The following DCP1B variants were observed in gnomAD, a reference collection of about 807,000 sequenced individuals.
DCP1B encodes the protein decapping mRNA 1B.
Under a neutral mutation model 60.5 loss-of-function variants are expected in DCP1B, and 47 were observed. That is an observed-to-expected ratio of 0.78 (90% CI 0.61 to 0.99). The LOEUF is 0.99. Ranked by LOEUF, DCP1B falls within the 50% of genes least tolerant of loss-of-function variation. DCP1B has a pLI of 0.00. For missense variants in DCP1B, 725 were observed against 756.8 expected, an observed-to-expected ratio of 0.96 and a Z score of 0.49; for synonymous variants, 267 against 280.3, an observed-to-expected ratio of 0.95 and a Z score of 0.47.
At chr12:1,978,026 G>T (rs192384618) in intron 3 of DCP1B, among the ~76,000 whole-genome samples, 4 of 152,250 alleles carry the variant, frequency 2.6e-5, no homozygotes, top group East Asian at 3.9e-4. Flanking sequence ...CTAGGAAATT[G>T]ACATTTAAAA....
At chr12:1,946,878 T>TCC (rs2030447083) in intron 8 of DCP1B, among the ~76,000 whole-genome samples, 1 of 152,112 alleles carries the variant, frequency 6.6e-6, no homozygotes, top group South Asian at 2.1e-4. Flanking sequence ...AAGTTTTTTG[T>TCC]TAAGACAGGG....
intron 3 of DCP1B, among the ~76,000 whole-genome samples, chr12:1,980,795 C>T (rs1003999619): frequency 2.0e-5 from 3 of 151,838 alleles, no homozygotes; most frequent in South Asian, 2.1e-4. Flanking sequence ...TTAAACCACA[C>T]GGCCATGGTT....
At chr12:1,963,333 T>C (rs1400765335) in intron 5 of DCP1B, among the ~76,000 whole-genome samples, 1 of 152,198 alleles carries the variant, frequency 6.6e-6, no homozygotes, top group Non-Finnish European at 1.5e-5. Context: ...CCACACGTAC[T>C]AGCTGGAATT....
At chr12:1,959,794 C>A (rs1463632312) in intron 5 of DCP1B, among the ~76,000 whole-genome samples, 1 of 151,916 alleles carries the variant, frequency 6.6e-6, no homozygotes, top group Non-Finnish European at 1.5e-5. Context: ...CCCGTCTCTA[C>A]TAAAAATACA....
chr12:1,984,684 C>T (rs117595851), intron 3 of DCP1B, among the ~76,000 whole-genome samples: 4,117 of 150,036 alleles, frequency 0.027, 95 homozygotes, highest in Middle Eastern at 0.055. Context: ...TCTGTTGTTC[C>T]TACTTCATCC....
At position 1,961,112 on chromosome 12, in the gene DCP1B, G is replaced by T. The variant is rs554361308; in HGVS notation, c.522+4446C>A. Among the ~76,000 whole-genome samples the T allele has an allele frequency of 9.8e-4, 150 of 152,314 alleles. 6 individuals carry two copies. The South Asian group carries it at 0.029, about 29-fold the overall frequency. ...GATGGAAAAAGAACATCTGAAACAG[G>T]CCCTGAAAGCTGGATCATATTTTGA... On this transcript the variant is annotated intron_variant, in intron 5 of 8. Transcript: ENST00000280665.
chr12:1,951,676 G>GT (rs1565760610), intron 7 of DCP1B, among the ~76,000 whole-genome samples: 2 of 152,194 alleles, frequency 1.3e-5, no homozygotes, highest in African/African-American at 4.8e-5. Flanking sequence ...GAAATAGGCT[G>GT]TTTTTTGTTT....
intron 7 of DCP1B, among the ~76,000 whole-genome samples, chr12:1,951,968 A>G (rs2030685819): frequency 1.3e-5 from 2 of 152,226 alleles, no homozygotes; most frequent in African/African-American, 4.8e-5. Context: ...ATTTAACTCT[A>G]CAAGTAATGC....
chr12:1,990,857 C>G (rs2017273), intron 3 of DCP1B, among the ~76,000 whole-genome samples: 110,406 of 152,046 alleles, frequency 0.73, 40,617 homozygotes, highest in African/African-American at 0.85. Flanking sequence ...AGGTATCTGA[C>G]ACTCTGACAG....
At chr12:1,972,792 AG>A (rs1351187028) in intron 3 of DCP1B, among the ~76,000 whole-genome samples, 3 of 152,130 alleles carry the variant, frequency 2.0e-5, no homozygotes, top group Non-Finnish European at 4.4e-5. Flanking sequence ...AAGGAAAAAA[AG>A]AAGGATGGAA....
intron 3 of DCP1B, among the ~76,000 whole-genome samples, chr12:1,976,083 CCTTT>C (rs1237332348): frequency 6.6e-6 from 1 of 151,868 alleles, no homozygotes; most frequent in Admixed American, 6.6e-5. Context: ...TTTTTCAGAG[CCTTT>C]CTTTAGATGG....
At chr12:1,986,294 T>A (rs190794374) in intron 3 of DCP1B, among the ~76,000 whole-genome samples, 7 of 152,212 alleles carry the variant, frequency 4.6e-5, no homozygotes, top group African/African-American at 1.7e-4. Flanking sequence ...AATTAGGAGA[T>A]CTCCTCATCC....
chr12:1,947,915 G>A (rs978975357), intron 8 of DCP1B, among the ~76,000 whole-genome samples: 3 of 152,056 alleles, frequency 2.0e-5, no homozygotes, highest in Non-Finnish European at 4.4e-5. Flanking sequence ...CTCCCACCTT[G>A]GCTTCCCAAA....
At chr12:1,974,119 C>T (rs547144532) in intron 3 of DCP1B, among the ~76,000 whole-genome samples, 1 of 152,320 alleles carries the variant, frequency 6.6e-6, no homozygotes, top group Non-Finnish European at 1.5e-5. Flanking sequence ...CATGTGCAGA[C>T]ATTCAACAAA....
At position 1,997,941 on chromosome 12, in the gene DCP1B, T is replaced by C. The variant is rs554038476; in HGVS notation, c.185A>G (p.Tyr62Cys). 6.2e-7 allele frequency: 1 copy of C among 1,608,210 alleles called. No homozygotes were observed. Among genetic ancestry groups the C allele is most frequent in the East Asian group, 2.2e-5 (1 of 44,712 alleles). Residue 62 changes from tyrosine (Y) to cysteine (C), a missense_variant, in exon 2 of 9, where the codon TAT (tyrosine) becomes TGT (cysteine). Coordinates refer to ENST00000280665, the MANE Select transcript of DCP1B (RefSeq NM_152640.5). Reference sequence around the variant, plus strand: ...AAAAGTGAAACACTCTTACCTTGTATAAACAAATAAGGTTCCTTCCACATC... The same window carrying C: ...AAAAGTGAAACACTCTTACCTTGTACAAACAAATAAGGTTCCTTCCACATC... ...KTDVEGTLFV[Y>C]TRSASPKHGF...
At chr12:1,963,174 T>A (rs1309860823) in intron 5 of DCP1B, among the ~76,000 whole-genome samples, 2 of 152,252 alleles carry the variant, frequency 1.3e-5, no homozygotes, top group Non-Finnish European at 2.9e-5. Context: ...TAACTTTTAA[T>A]GATGATAATC....
At chr12:1,950,515 G>A in intron 7 of DCP1B, 2 of 667,140 alleles carry the variant, frequency 3.0e-6, no homozygotes, top group Non-Finnish European at 5.5e-6. Flanking sequence ...GAGGGGGAGT[G>A]GGAGTTATAA....
intron 7 of DCP1B, among the ~76,000 whole-genome samples, chr12:1,952,066 C>T (rs546730164): frequency 4.6e-5 from 7 of 152,346 alleles, no homozygotes; most frequent in Admixed American, 1.3e-4. Context: ...TCAAGATGCA[C>T]GGAGGTGCAC....
intron 1 of DCP1B, 133 bp from the exon 2 acceptor site, chr12:1,998,108 C>T: frequency 1.5e-6 from 1 of 689,334 alleles, no homozygotes; most frequent in African/African-American, 1.9e-5. Flanking sequence ...AGGAGTTATT[C>T]TCAGGAAAAG....
Sources: gnomAD v4.1 joint callset for allele counts (sites outside exome capture counted in the v4.1 genomes callset) on GRCh38, gnomAD v4.1.1 for gene constraint, MANE v1.5 for transcripts, NCBI Gene and HGNC (gene_info 2026-07-23, HGNC 2026-07-21) for gene names.